TMEM164: variants seen among roughly 807,000 people sequenced by gnomAD.
The protein encoded by TMEM164 is transmembrane protein 164.
A neutral mutation model predicts 18.8 loss-of-function variants in TMEM164; 4 were observed. That is an observed-to-expected ratio of 0.21 (90% CI 0.10 to 0.49). The LOEUF is 0.49. Ranked by LOEUF, TMEM164 falls within the 20% of genes least tolerant of loss-of-function variation. The pLI, the probability that TMEM164 is intolerant of heterozygous loss-of-function variation, is 0.98. For synonymous variants in TMEM164, 86 were observed against 101.7 expected (o/e 0.85, Z 0.93); for missense variants, 108 against 239.9 (o/e 0.45, Z 3.63).
At chrX:110,106,923 G>A (rs1313515100) in intron 3 of TMEM164, among the ~76,000 whole-genome samples, 1 of 112,313 alleles carries the variant, frequency 8.9e-6, no homozygotes. Flanking sequence ...AAGGATTGTG[G>A]TAACCTGGCC....
intron 4 of TMEM164, among the ~76,000 whole-genome samples, chrX:110,143,060 G>A (rs184366473): frequency 1.8e-5 from 2 of 112,197 alleles, no homozygotes; most frequent in Admixed American, 1.9e-4. Flanking sequence ...CCCATTTCAG[G>A]GACAGGTCAA....
At chrX:110,088,056 T>C (rs1355060678) in intron 3 of TMEM164, among the ~76,000 whole-genome samples, 3 of 112,161 alleles carry the variant, frequency 2.7e-5, no homozygotes, top group African/African-American at 9.7e-5. Context: ...CCACATGATA[T>C]GATGACAGTG....
chrX:110,068,632 T>C (rs1214340873), intron 3 of TMEM164, among the ~76,000 whole-genome samples: 3 of 112,117 alleles, frequency 2.7e-5, no homozygotes, highest in Non-Finnish European at 5.6e-5. Flanking sequence ...TACTGTATCT[T>C]TTCTAAATTT....
At chrX:110,056,470 A>G (rs1250861786) in intron 2 of TMEM164, among the ~76,000 whole-genome samples, 1 of 112,282 alleles carries the variant, frequency 8.9e-6, no homozygotes, top group Non-Finnish European at 1.9e-5. Flanking sequence ...GCTATTACAG[A>G]TAATACTTCT....
At chrX:110,157,174 C>T (rs1018578880) in intron 5 of TMEM164, among the ~76,000 whole-genome samples, 3 of 111,220 alleles carry the variant, frequency 2.7e-5, no homozygotes, top group African/African-American at 9.8e-5. Flanking sequence ...CCTTGGGGAA[C>T]ATCAACTTGC....
In TMEM164 at chrX:110,173,284, A is replaced by T. The variant is rs201874914; in HGVS notation, c.727A>T (p.Ile243Phe). Residue 243 changes from isoleucine (I) to phenylalanine (F), a missense_variant, in exon 7 of 7, where the codon ATC (isoleucine) becomes TTC (phenylalanine). Transcript: ENST00000372068. ...TTTGAACAACATGCTGTGTCCGGCCATCTCAGACCCATTCTACGGCCCCTG... is the reference window on the plus strand; with the variant it reads ...TTTGAACAACATGCTGTGTCCGGCCTTCTCAGACCCATTCTACGGCCCCTG... ...VNLNNMLCPA[I>F]SDPFYGPWYR... is the part of the protein sequence containing the mutation. 8.3e-7 allele frequency: 1 copy of T among 1,209,201 alleles called. No individual in the cohort carries two copies. The highest frequency in any genetic ancestry group is 3.0e-5 in the East Asian group (1 of 33,740).
intron 3 of TMEM164, among the ~76,000 whole-genome samples, chrX:110,074,489 T>A (rs2065643308): frequency 8.9e-6 from 1 of 111,925 alleles, no homozygotes. Flanking sequence ...AATTTTTGTT[T>A]TTGTTTTAGT....
intron 4 of TMEM164, among the ~76,000 whole-genome samples, chrX:110,139,087 A>T (rs1004511814): frequency 6.2e-5 from 7 of 112,753 alleles, no homozygotes; most frequent in Non-Finnish European, 9.4e-5. Context: ...TGGAAGCTCC[A>T]TTACTACCAC....
intron 4 of TMEM164, among the ~76,000 whole-genome samples, chrX:110,127,339 C>A (rs1045058849): frequency 5.4e-5 from 6 of 110,676 alleles, no homozygotes; most frequent in Non-Finnish European, 9.5e-5. Context: ...ATGGAGAAAC[C>A]CCGTCTGTAC....
At chrX:110,152,035 C>CT (rs1429692921) in intron 5 of TMEM164, among the ~76,000 whole-genome samples, 22 of 98,761 alleles carry the variant, frequency 2.2e-4, no homozygotes, top group Admixed American at 6.5e-4. Flanking sequence ...TTTTCTTCTT[C>CT]TTTTTTTTTT....
chrX:110,034,944 A>G (rs1461512393), intron 2 of TMEM164, among the ~76,000 whole-genome samples: 1 of 105,109 alleles, frequency 9.5e-6, no homozygotes, highest in Non-Finnish European at 2.0e-5. Context: ...ATTGGAAATC[A>G]TCATTCTCAG....
chrX:110,158,260 C>T (rs764884448), intron 5 of TMEM164, among the ~76,000 whole-genome samples: 2 of 111,634 alleles, frequency 1.8e-5, no homozygotes, highest in South Asian at 7.6e-4. Flanking sequence ...TGGTGACTGG[C>T]ACTGTGGGGC....
At chrX:110,096,760 G>A (rs780975899) in intron 3 of TMEM164, among the ~76,000 whole-genome samples, 4 of 111,785 alleles carry the variant, frequency 3.6e-5, no homozygotes, top group East Asian at 5.6e-4. Flanking sequence ...GGTCTTCTGC[G>A]TTACTCATGC....
rs1165979412 is a variant in TMEM164, at chrX:110,176,012, G to A, written c.*2561G>A. 1 of 755,082 alleles carries A rather than the reference G, an allele frequency of 1.3e-6. No individual in the cohort carries two copies. Among genetic ancestry groups the A allele is most frequent in the Non-Finnish European group, 1.6e-6 (1 of 639,432 alleles). The allele number at this position is 755,082 out of a possible 1,213,427, so 62.2% of individuals were successfully genotyped here. A position where few individuals can be genotyped will look rare whatever the true frequency, so the allele number is the denominator to read the frequency against. ...GGAGCTTGCACACCCAGTGGCCAGT[G>A]GGGCTGTCTTCCCAGCTCCTCCTCA... On this transcript the variant is annotated 3_prime_UTR_variant, in exon 7 of 7. Transcript: ENST00000372068.
intron 4 of TMEM164, among the ~76,000 whole-genome samples, chrX:110,124,126 G>A (rs2066491030): frequency 6.0e-5 from 2 of 33,150 alleles, no homozygotes; most frequent in African/African-American, 2.0e-4. Context: ...ACAAATGGAA[G>A]GAAGGAAGGA....
chrX:110,166,937 G>A (rs1489261699), intron 5 of TMEM164, among the ~76,000 whole-genome samples: 1 of 112,245 alleles, frequency 8.9e-6, no homozygotes, highest in Non-Finnish European at 1.9e-5. Flanking sequence ...TATCTGTGTA[G>A]ACTGGATCAT....
At chrX:110,027,573 A>G (rs1427595061) in intron 2 of TMEM164, among the ~76,000 whole-genome samples, 1 of 110,043 alleles carries the variant, frequency 9.1e-6, no homozygotes, top group Non-Finnish European at 1.9e-5. Flanking sequence ...CAGCCTGACC[A>G]ATATGGTGAA....
intron 3 of TMEM164, among the ~76,000 whole-genome samples, chrX:110,099,050 G>A (rs1361564772): frequency 1.9e-5 from 2 of 103,841 alleles, no homozygotes; most frequent in East Asian, 3.0e-4. Flanking sequence ...TGCCCACCTT[G>A]GCCTCCCAAA....
At chrX:110,017,053 A>G (rs1414101431) in intron 2 of TMEM164, among the ~76,000 whole-genome samples, 2 of 112,297 alleles carry the variant, frequency 1.8e-5, no homozygotes, top group Non-Finnish European at 3.8e-5. Flanking sequence ...TCAGGTTGTT[A>G]AAATGGCAGA....
Sources: allele counts gnomAD v4.1 joint callset (sites outside exome capture counted in the v4.1 genomes callset), GRCh38; gene constraint gnomAD v4.1.1; transcripts MANE v1.5; gene names NCBI Gene and HGNC (gene_info 2026-07-23, HGNC 2026-07-21).